RUNDC3B: variants seen among roughly 807,000 people sequenced by gnomAD.
RUNDC3B encodes RUN domain-containing protein 3B.
A neutral mutation model predicts 58.4 loss-of-function variants in RUNDC3B; 33 were observed. That is an observed-to-expected ratio of 0.56 (90% CI 0.43 to 0.75). RUNDC3B has a LOEUF of 0.75. Ranked by LOEUF, RUNDC3B falls within the 30% of genes least tolerant of loss-of-function variation. The pLI is 0.00. For synonymous variants in RUNDC3B, 193 were observed against 195.2 expected (o/e 0.99, Z 0.10); for missense variants, 501 against 535.7 (o/e 0.94, Z 0.64).
At chr7:87,697,723 T>A (rs1828616751) in intron 2 of RUNDC3B, among the ~76,000 whole-genome samples, 1 of 152,252 alleles carries the variant, frequency 6.6e-6, no homozygotes, top group Non-Finnish European at 1.5e-5. Flanking sequence ...TTGCTGCACA[T>A]ACATGATCAC....
At chr7:87,807,695 G>A (rs1017027743) in intron 9 of RUNDC3B, among the ~76,000 whole-genome samples, 176 bp downstream of exon 9, 2 of 152,088 alleles carry the variant, frequency 1.3e-5, no homozygotes, top group Non-Finnish European at 2.9e-5. Flanking sequence ...ATGCCATATT[G>A]TACCAGCTGT....
chr7:87,748,417 C>T (rs1287582721), intron 6 of RUNDC3B, among the ~76,000 whole-genome samples: 2 of 152,158 alleles, frequency 1.3e-5, no homozygotes, highest in Admixed American at 6.5e-5. Flanking sequence ...CTTTTTCTTA[C>T]AGTCGATCTG....
At chr7:87,777,722 A>G (rs896479802) in intron 7 of RUNDC3B, 76 bp from the exon 8 acceptor site, 6 of 1,132,958 alleles carry the variant, frequency 5.3e-6, no homozygotes, top group Admixed American at 4.2e-5. Context: ...ATAGCATTTA[A>G]GCTACTCAGC....
At chr7:87,758,463 A>C (rs941000047) in intron 6 of RUNDC3B, among the ~76,000 whole-genome samples, 3 of 152,218 alleles carry the variant, frequency 2.0e-5, no homozygotes, top group African/African-American at 7.2e-5. Flanking sequence ...ACCAAAGCAA[A>C]AATGGACAAA....
chr7:87,718,091 C>T (rs924843510), intron 4 of RUNDC3B, among the ~76,000 whole-genome samples: 7 of 152,046 alleles, frequency 4.6e-5, no homozygotes, highest in African/African-American at 1.7e-4. Flanking sequence ...TAGGAGGACT[C>T]ATAGTCTTAT....
chr7:87,775,074 A>G (rs1490115662), intron 7 of RUNDC3B, among the ~76,000 whole-genome samples: 1 of 152,260 alleles, frequency 6.6e-6, no homozygotes, highest in African/African-American at 2.4e-5. Context: ...CTTAAAAAAC[A>G]AAAAAGTTAA....
chr7:87,671,955 G>C (rs1254919190), intron 2 of RUNDC3B, among the ~76,000 whole-genome samples: 1 of 152,166 alleles, frequency 6.6e-6, no homozygotes, highest in African/African-American at 2.4e-5. Flanking sequence ...GTCCTGCCCA[G>C]TGAGGAGAAG....
At chr7:87,655,658 A>G (rs554933363) in intron 2 of RUNDC3B, among the ~76,000 whole-genome samples, 1 of 152,188 alleles carries the variant, frequency 6.6e-6, no homozygotes, top group Non-Finnish European at 1.5e-5. Flanking sequence ...AATGTTGACT[A>G]TAGTTAAAGT....
At chr7:87,640,236 A>AT (rs1174641089) in intron 1 of RUNDC3B, among the ~76,000 whole-genome samples, 20 of 150,476 alleles carry the variant, frequency 1.3e-4, no homozygotes, top group Non-Finnish European at 2.8e-4. Flanking sequence ...TTATTACCAT[A>AT]TTTTTTTACA....
chr7:87,634,765 C>T (rs1214959254), intron 1 of RUNDC3B, among the ~76,000 whole-genome samples: 17 of 152,100 alleles, frequency 1.1e-4, no homozygotes, highest in Non-Finnish European at 7.4e-5. Flanking sequence ...TTGGCTAAAA[C>T]TCTTTCAGTC....
At chr7:87,756,912 A>G (rs1280432098) in intron 6 of RUNDC3B, among the ~76,000 whole-genome samples, 1 of 152,110 alleles carries the variant, frequency 6.6e-6, no homozygotes, top group Non-Finnish European at 1.5e-5. Flanking sequence ...CTCACCTCCA[A>G]TCCCCAGACC....
At chr7:87,731,629 C>G (rs753224023) in intron 4 of RUNDC3B, among the ~76,000 whole-genome samples, 1 of 152,034 alleles carries the variant, frequency 6.6e-6, no homozygotes, top group Non-Finnish European at 1.5e-5. Context: ...GTATTTATAT[C>G]GGACAAAACA....
chr7:87,644,209 AAG>A lies in RUNDC3B; in HGVS notation c.123-6607_123-6606del, dbSNP rs552914112. ...TCTCTGTGTTTCTGATGTAAAATATAAGAGAGAAAATAGGCCTTCCAGTGAAC... is the reference window on the plus strand; with the variant it reads ...TCTCTGTGTTTCTGATGTAAAATATAAGAGAAAATAGGCCTTCCAGTGAAC... On this transcript the variant is annotated intron_variant, in intron 1 of 10. Coordinates refer to ENST00000394654, the MANE Select transcript of RUNDC3B (RefSeq NM_001134405.2). Among the ~76,000 whole-genome samples, 44 of 152,324 alleles carry A rather than the reference AAG, an allele frequency of 2.9e-4. No homozygotes were observed. The Middle Eastern group carries it at 0.014, about 47-fold the overall frequency.
chr7:87,745,199 T>C (rs535801236), intron 6 of RUNDC3B, among the ~76,000 whole-genome samples: 19 of 152,310 alleles, frequency 1.2e-4, no homozygotes, highest in Admixed American at 9.8e-4. Context: ...CTTTTTGATA[T>C]GTTGTTGGAT....
rs762627981 is a variant in RUNDC3B at position 87,816,257 on chromosome 7, G to T, written c.1220G>T (p.Ser407Ile). Residue 407 changes from serine (S) to isoleucine (I), a missense_variant, in exon 10 of 11, where the codon AGT becomes ATT. By Grantham distance (142) the Ser-to-Ile change is moderately radical (BLOSUM62 -2). Coordinates refer to ENST00000394654, the MANE Select transcript of RUNDC3B (RefSeq NM_001134405.2). ...AAACAAGACACATTAAATGTAATGA[G>T]TGAAGGTAAGAAAACAAAGAACTAT... The part of the protein sequence containing the change: ...DGKQDTLNVM[S>I]EGKEDTPSLL... The T allele has an allele frequency of 6.2e-7, 1 of 1,608,802 alleles. No homozygotes were observed. The highest frequency in any genetic ancestry group is 8.5e-7 in the Non-Finnish European group (1 of 1,177,380).
chr7:87,800,152 T>G (rs917842311), intron 8 of RUNDC3B, among the ~76,000 whole-genome samples: 1 of 152,146 alleles, frequency 6.6e-6, no homozygotes, highest in Non-Finnish European at 1.5e-5. Context: ...AGGGGTTAGA[T>G]CCTTATAAAT....
At chr7:87,745,370 T>C (rs1832589392) in intron 6 of RUNDC3B, among the ~76,000 whole-genome samples, 2 of 152,170 alleles carry the variant, frequency 1.3e-5, no homozygotes, top group Admixed American at 6.5e-5. Context: ...CTCTATCTTA[T>C]GGAATAATGT....
chr7:87,748,177 T>C (rs1832758280), intron 6 of RUNDC3B, among the ~76,000 whole-genome samples: 1 of 152,220 alleles, frequency 6.6e-6, no homozygotes, highest in Non-Finnish European at 1.5e-5. Context: ...CCTACCCCTG[T>C]ATTTTGCTCG....
At chr7:87,744,877 A>G (rs974468593) in intron 6 of RUNDC3B, among the ~76,000 whole-genome samples, 4 of 152,096 alleles carry the variant, frequency 2.6e-5, no homozygotes, top group Admixed American at 2.0e-4. Flanking sequence ...GAGAGTGGAC[A>G]TCTTTGTCCT....
Sources: gnomAD v4.1 joint callset for allele counts (sites outside exome capture counted in the v4.1 genomes callset) on GRCh38, gnomAD v4.1.1 for gene constraint, MANE v1.5 for transcripts, NCBI Gene and HGNC (gene_info 2026-07-23, HGNC 2026-07-21) for gene names.